Variants in EVI5 observed in about 807,000 individuals in gnomAD.
The protein encoded by EVI5 is ecotropic viral integration site 5, also known as ecotropic viral integration site 5 protein homolog.
EVI5 carries 73 observed loss-of-function variants against 112.0 expected under a neutral mutation model. The ratio of observed to expected loss-of-function variants is 0.65; its 90% confidence interval spans 0.54 to 0.79. The LOEUF is 0.79. Ranked by LOEUF, EVI5 falls within the 30% of genes least tolerant of loss-of-function variation. The pLI is 0.00. For synonymous variants in EVI5, 305 were observed against 319.9 expected (o/e 0.95, Z 0.50); for missense variants, 900 against 968.8 (o/e 0.93, Z 0.94).
At chr1:92,740,628 T>C (rs1427078476) in intron 1 of EVI5, among the ~76,000 whole-genome samples, 1 of 152,174 alleles carries the variant, frequency 6.6e-6, no homozygotes, top group East Asian at 1.9e-4. Flanking sequence ...ACTTTTACTA[T>C]GTCAGATATA....
intron 1 of EVI5, among the ~76,000 whole-genome samples, chr1:92,772,250 T>C (rs1683511868): frequency 6.6e-6 from 1 of 152,044 alleles, no homozygotes; most frequent in East Asian, 1.9e-4. Context: ...AATGGTAATT[T>C]TACAAATTTC....
chr1:92,774,438 C>G (rs2103061935), intron 1 of EVI5, among the ~76,000 whole-genome samples: 1 of 152,252 alleles, frequency 6.6e-6, no homozygotes, highest in Admixed American at 6.6e-5. Flanking sequence ...AAGATTCAGG[C>G]CAAAGACAAC....
chr1:92,717,222 G>C (rs1673876693), intron 2 of EVI5, among the ~76,000 whole-genome samples: 2 of 152,060 alleles, frequency 1.3e-5, no homozygotes, highest in South Asian at 4.1e-4. Flanking sequence ...TCCTCAAGAA[G>C]AGCAACCCCA....
At chr1:92,557,807 C>G (rs1048677564) in intron 19 of EVI5, among the ~76,000 whole-genome samples, 1 of 152,064 alleles carries the variant, frequency 6.6e-6, no homozygotes. Context: ...TCACTGCAAC[C>G]TCTGGTTCCC....
At chr1:92,755,380 C>T (rs1039105329) in intron 1 of EVI5, among the ~76,000 whole-genome samples, 6 of 152,096 alleles carry the variant, frequency 3.9e-5, no homozygotes, top group Admixed American at 6.5e-5. Flanking sequence ...CACTGCACTC[C>T]AGCCTGGGCG....
chr1:92,669,562 T>C (rs1409519764), intron 10 of EVI5, among the ~76,000 whole-genome samples: 1 of 32,704 alleles, frequency 3.1e-5, no homozygotes, highest in Non-Finnish European at 5.8e-5. Context: ...AAAAAAAAAA[T>C]CACTGGGAAA....
chr1:92,611,087 T>A (rs1651673900), intron 16 of EVI5, among the ~76,000 whole-genome samples: 2 of 139,616 alleles, frequency 1.4e-5, no homozygotes, highest in African/African-American at 2.7e-5. Context: ...CCCTAAAACT[T>A]AAAGTATAAT....
intron 18 of EVI5, among the ~76,000 whole-genome samples, chr1:92,573,907 C>A (rs1316649141): frequency 6.6e-6 from 1 of 152,024 alleles, no homozygotes; most frequent in Non-Finnish European, 1.5e-5. Flanking sequence ...ACAAAGAAAA[C>A]CCAAACATTT....
chr1:92,705,477 T>C (rs1341811323), intron 2 of EVI5, among the ~76,000 whole-genome samples: 1 of 152,202 alleles, frequency 6.6e-6, no homozygotes, highest in Non-Finnish European at 1.5e-5. Flanking sequence ...ATCTGCTCAC[T>C]TTCCATAATC....
At chr1:92,572,038 G>C (rs541151085) in intron 18 of EVI5, among the ~76,000 whole-genome samples, 1 of 152,050 alleles carries the variant, frequency 6.6e-6, no homozygotes, top group African/African-American at 2.4e-5. Context: ...ATGTGTAAAA[G>C]GTGTAAATGC....
intron 16 of EVI5, among the ~76,000 whole-genome samples, chr1:92,620,420 C>A (rs1654282562): frequency 7.3e-6 from 1 of 137,578 alleles, no homozygotes. Flanking sequence ...ATCTATAAAT[C>A]AAAGAAACTC....
intron 16 of EVI5, among the ~76,000 whole-genome samples, chr1:92,607,981 T>C (rs895551344): frequency 1.3e-5 from 2 of 151,120 alleles, no homozygotes; most frequent in Non-Finnish European, 3.0e-5. Context: ...CCGTCTCTAC[T>C]AAAATTACAA....
chr1:92,545,658 T>C (rs1345930471), intron 19 of EVI5, among the ~76,000 whole-genome samples: 1 of 152,228 alleles, frequency 6.6e-6, no homozygotes, highest in East Asian at 1.9e-4. Flanking sequence ...AATTATATTT[T>C]ATAGATTTCC....
rs143349227 is a variant in EVI5, at chr1:92,571,278, C to G, written c.2071-7541G>C. On this transcript the variant is annotated intron_variant, in intron 18 of 19. Transcript: ENST00000684568. ...GTGATTAAGCAGCTCCAGGCTATGG[C>G]AGTAACCCCTGGGCAAGAAAATTAC... Among the ~76,000 whole-genome samples the G allele has an allele frequency of 1.5e-4, 23 of 149,802 alleles. No homozygotes were observed. In the East Asian group the frequency reaches 3.5e-3, roughly 23 times the overall value.
intron 1 of EVI5, among the ~76,000 whole-genome samples, chr1:92,742,092 A>T (rs1006085890): frequency 5.9e-5 from 9 of 152,030 alleles, no homozygotes; most frequent in African/African-American, 2.2e-4. Context: ...TATATAAAGA[A>T]CTCCTACAAA....
upstream of EVI5, among the ~76,000 whole-genome samples, chr1:92,788,370 A>C (rs1685812230): frequency 6.6e-6 from 1 of 151,992 alleles, no homozygotes; most frequent in Admixed American, 6.6e-5. Context: ...GCTACTCGGG[A>C]GACTGAGACA....
At chr1:92,615,825 A>G (rs1178936601) in intron 16 of EVI5, among the ~76,000 whole-genome samples, 1 of 152,114 alleles carries the variant, frequency 6.6e-6, no homozygotes, top group Non-Finnish European at 1.5e-5. Flanking sequence ...GTTGAGTGTG[A>G]CCCATGAGGA....
At chr1:92,704,126 A>C (rs1671621452) in intron 3 of EVI5, among the ~76,000 whole-genome samples, 1 of 152,002 alleles carries the variant, frequency 6.6e-6, no homozygotes, top group African/African-American at 2.4e-5. Context: ...CCTGGGCAAC[A>C]AAGCAAGACC....
chr1:92,697,558 C>T (rs1670502726), intron 6 of EVI5, among the ~76,000 whole-genome samples: 1 of 152,152 alleles, frequency 6.6e-6, no homozygotes, highest in Non-Finnish European at 1.5e-5. Context: ...AGAGCTTAGA[C>T]TACGTAACAA....
Sources: gnomAD v4.1 joint callset for allele counts (sites outside exome capture counted in the v4.1 genomes callset) on GRCh38, gnomAD v4.1.1 for gene constraint, MANE v1.5 for transcripts, NCBI Gene and HGNC (gene_info 2026-07-23, HGNC 2026-07-21) for gene names.